The following KLHL8 variants were observed in gnomAD, a reference collection of about 807,000 sequenced individuals.
The protein encoded by KLHL8 is kelch-like protein 8.
A neutral mutation model predicts 63.5 loss-of-function variants in KLHL8; 38 were observed. That is an observed-to-expected ratio of 0.60 (90% CI 0.46 to 0.78). The LOEUF is 0.78. KLHL8 is among the 30% of genes least tolerant of loss of function. The pLI, the probability that KLHL8 is intolerant of heterozygous loss-of-function variation, is 0.00. For missense variants in KLHL8, 566 were observed against 752.4 expected (o/e 0.75, Z 2.90); for synonymous variants, 224 against 254.3 (o/e 0.88, Z 1.13).
intron 1 of KLHL8, among the ~76,000 whole-genome samples, chr4:87,203,059 A>C (rs768536799): frequency 6.6e-6 from 1 of 152,230 alleles, no homozygotes; most frequent in African/African-American, 2.4e-5. Flanking sequence ...AAACCACCAC[A>C]ACAACATACT....
At chr4:87,227,768 C>T (rs1733061098) in intron 1 of KLHL8, among the ~76,000 whole-genome samples, 2 of 152,176 alleles carry the variant, frequency 1.3e-5, no homozygotes, top group South Asian at 4.1e-4. Context: ...GATTGCCTCC[C>T]TTTGTGCAAT....
At position 87,195,596 on chromosome 4, in the gene KLHL8, T is replaced by C. The variant is rs903144054; in HGVS notation, c.-57A>G. The C allele has an allele frequency of 4.1e-6, 6 of 1,476,208 alleles. No individual in the cohort carries two copies. The highest frequency in any genetic ancestry group is 5.6e-6 in the Non-Finnish European group (6 of 1,065,118). The allele number at this position is 1,476,208 out of a possible 1,614,324, so 91.4% of individuals were successfully genotyped here. ...TCTCAAACATGCCATTTATTTTTTTTCAAAGGGTAGAGAGAAGGCAGAAGG... is the reference window on the plus strand; with the variant it reads ...TCTCAAACATGCCATTTATTTTTTTCCAAAGGGTAGAGAGAAGGCAGAAGG... On this transcript the variant is annotated 5_prime_UTR_variant, in exon 2 of 10. Transcript: ENST00000273963.
intron 1 of KLHL8, among the ~76,000 whole-genome samples, chr4:87,201,489 A>G (rs1371213433): frequency 6.6e-6 from 1 of 152,240 alleles, no homozygotes; most frequent in Non-Finnish European, 1.5e-5. Flanking sequence ...TTAGCAGAGA[A>G]TTAGCAATGA....
chr4:87,179,035 T>C (rs1214263938), intron 4 of KLHL8, among the ~76,000 whole-genome samples: 1 of 152,208 alleles, frequency 6.6e-6, no homozygotes, highest in Non-Finnish European at 1.5e-5. Context: ...TCCTTCTATG[T>C]TTTCCATGTT....
In KLHL8 at chr4:87,195,338, C is replaced by A. The variant is rs1453398492; in HGVS notation, c.202G>T (p.Asp68Tyr). The change falls in exon 2 of 10, where the codon GAT becomes TAT. Residue 68 changes from aspartate to tyrosine, a missense_variant. Physicochemically the swap from Asp to Tyr is radical, Grantham distance 160. Coordinates refer to ENST00000273963, the MANE Select transcript of KLHL8 (RefSeq NM_020803.5). ...LRFYENGELC[D>Y]VTLKVGSKLI... is the part of the protein sequence containing the mutation. ...GGCAATCTCACCTTGAGTGTGACAT[C>A]ACAGAGTTCTCCATTTTCATAAAAT... The A allele has an allele frequency of 6.2e-7, 1 of 1,611,770 alleles. No individual in the cohort carries two copies. The highest frequency in any genetic ancestry group is 1.3e-5 in the African/African-American group (1 of 74,820).
chr4:87,201,281 T>A (rs1257512349), intron 1 of KLHL8, among the ~76,000 whole-genome samples: 4 of 151,992 alleles, frequency 2.6e-5, no homozygotes. Context: ...TTCACCGCAA[T>A]AAAAAAAGAC....
chr4:87,218,344 G>A (rs1732680231), intron 1 of KLHL8, among the ~76,000 whole-genome samples: 1 of 151,078 alleles, frequency 6.6e-6, no homozygotes, highest in Non-Finnish European at 1.5e-5. Flanking sequence ...TGATTCTCGT[G>A]TCTCTGGGAC....
intron 1 of KLHL8, among the ~76,000 whole-genome samples, chr4:87,202,583 A>G (rs1051004367): frequency 6.6e-6 from 1 of 152,178 alleles, no homozygotes; most frequent in African/African-American, 2.4e-5. Context: ...AAATGTGACA[A>G]CTTAGATGAA....
At chr4:87,212,500 A>C (rs1732440096) in intron 1 of KLHL8, among the ~76,000 whole-genome samples, 1 of 152,036 alleles carries the variant, frequency 6.6e-6, no homozygotes, top group Non-Finnish European at 1.5e-5. Context: ...GGATCATCTG[A>C]GCCCAGGGAG....
intron 8 of KLHL8, among the ~76,000 whole-genome samples, chr4:87,168,799 CAT>C (rs1182378124): frequency 1.1e-4 from 3 of 27,498 alleles, no homozygotes; most frequent in East Asian, 3.1e-3. Flanking sequence ...TATATACACA[CAT>C]ATATATACAC....
chr4:87,236,520 C>T (rs1435148104), intron 1 of KLHL8, among the ~76,000 whole-genome samples: 3 of 151,692 alleles, frequency 2.0e-5, no homozygotes, highest in Non-Finnish European at 2.9e-5. Flanking sequence ...AATTTGATTT[C>T]TTAATAGACA....
intron 8 of KLHL8, among the ~76,000 whole-genome samples, chr4:87,168,594 G>A (rs928029300): frequency 1.2e-4 from 18 of 151,348 alleles, no homozygotes; most frequent in African/African-American, 3.4e-4. Context: ...TTTATGGACT[G>A]AAATCAATTT....
rs112835803 is a variant in KLHL8 at position 87,186,596 on chromosome 4, A to G, written c.217-797T>C. Among the ~76,000 whole-genome samples, 1,093 of 150,682 alleles carry G rather than the reference A, an allele frequency of 7.3e-3. 10 individuals are homozygous for G. The highest frequency in any genetic ancestry group is 0.025 in the African/African-American group (1,041 of 40,956). ...CTGGGCTCGAGCAATCCCCCAACTT[A>G]GCCTCCCCAGCAGCTAGGACTACAG... On this transcript the variant is annotated intron_variant, in intron 2 of 9. Transcript: ENST00000273963.
At chr4:87,189,719 C>A (rs1271056130) in intron 2 of KLHL8, among the ~76,000 whole-genome samples, 1 of 151,898 alleles carries the variant, frequency 6.6e-6, no homozygotes, top group East Asian at 1.9e-4. Flanking sequence ...AAACTATCTC[C>A]ACTTCACTTA....
intron 2 of KLHL8, among the ~76,000 whole-genome samples, chr4:87,188,730 AC>A (rs1256232830): frequency 2.6e-5 from 4 of 152,218 alleles, no homozygotes; most frequent in African/African-American, 7.2e-5. Context: ...AAAAATAATT[AC>A]CAATTACCAA....
At chr4:87,208,361 CT>C (rs1032649971) in intron 1 of KLHL8, among the ~76,000 whole-genome samples, 2 of 151,122 alleles carry the variant, frequency 1.3e-5, no homozygotes, top group East Asian at 1.9e-4. Flanking sequence ...TCTTCTTCTT[CT>C]TTTTTTCTTT....
At chr4:87,191,588 A>G (rs1319745618) in intron 2 of KLHL8, among the ~76,000 whole-genome samples, 2 of 151,724 alleles carry the variant, frequency 1.3e-5, no homozygotes, top group Middle Eastern at 3.2e-3. Flanking sequence ...ATATATATAC[A>G]TATTTTGCTT....
upstream of KLHL8, among the ~76,000 whole-genome samples, chr4:87,224,946 T>G (rs1732945721): frequency 6.6e-6 from 1 of 152,050 alleles, no homozygotes; most frequent in Non-Finnish European, 1.5e-5. Context: ...GGGGTGGAGT[T>G]TGGTGGGGTG....
chr4:87,163,539 TA>T lies in KLHL8; in HGVS notation c.1842del (p.Asn614LysfsTer20). 1 of 1,614,174 alleles carries T rather than the reference TA, an allele frequency of 6.2e-7. No individual in the cohort carries two copies. The highest frequency in any genetic ancestry group is 2.2e-5 in the East Asian group (1 of 44,886). ...TCAAATCACATACAGTCAACCACATTATTGGATCCATGACCTACATCTCGAA... is the reference window on the plus strand; with the variant it reads ...TCAAATCACATACAGTCAACCACATTTTGGATCCATGACCTACATCTCGAA... ...SQIRDVGHGS[N>X]NVVDCM On this transcript the variant is annotated frameshift_variant, in exon 10 of 10. Transcript: ENST00000273963. LOFTEE classifies it high-confidence loss of function.
Sources: allele counts gnomAD v4.1 joint callset (sites outside exome capture counted in the v4.1 genomes callset), GRCh38; gene constraint gnomAD v4.1.1; transcripts MANE v1.5; gene names NCBI Gene and HGNC (gene_info 2026-07-23, HGNC 2026-07-21).